Variants in ASNSD1 observed in about 807,000 individuals in gnomAD.
ASNSD1 encodes asparagine synthetase domain-containing protein 1.
Under a neutral mutation model 48.3 loss-of-function variants are expected in ASNSD1, and 36 were observed. The ratio of observed to expected loss-of-function variants is 0.75; its 90% CI spans 0.57 to 0.99. The LOEUF (loss-of-function observed/expected upper bound fraction) is 0.99. ASNSD1 is among the 50% of genes least tolerant of loss of function. The pLI is 0.00. For missense variants in ASNSD1, 714 were observed against 758.2 expected (o/e 0.94, Z 0.69); for synonymous variants, 257 against 262.1 (o/e 0.98, Z 0.19).
intron 1 of ASNSD1, among the ~76,000 whole-genome samples, chr2:189,662,155 C>T (rs1054133353): frequency 4.6e-5 from 7 of 152,256 alleles, no homozygotes; most frequent in African/African-American, 1.7e-4. Flanking sequence ...GCTGCTGCTT[C>T]TCCGTTAACC....
chr2:189,666,300 G>A lies in ASNSD1; in HGVS notation c.168G>A (p.Leu56=). Residue 56 remains leucine, a synonymous_variant, in exon 4 of 6, where the codon TTG becomes TTA. Coordinates refer to ENST00000260952, the MANE Select transcript of ASNSD1 (RefSeq NM_019048.4). ...TATTTTCTGCTCACGTCCTACACTT[G>A]AGGGGTGTTTTGACTACCCAGCCTG... ...QCLFSAHVLH[L]RGVLTTQPVE... is the part of the protein sequence containing the mutation. The A allele has an allele frequency of 6.2e-7, 1 of 1,614,042 alleles. No homozygotes were observed. Among genetic ancestry groups the A allele is most frequent in the Non-Finnish European group, 8.5e-7 (1 of 1,179,988 alleles).
rs1487662125 is a variant in ASNSD1, at chr2:189,666,354, A to G, written c.222A>G (p.Leu74=). ...AAGATGAAAGAGGCAATGTGTTTCT[A>G]TGGAATGGAGAAATTTTTAGTGGAA... ...PVEDERGNVF[L]WNGEIFSGIK... is the part of the protein sequence containing the mutation. Residue 74 remains leucine (L), a synonymous_variant, in exon 4 of 6, where the codon CTA becomes CTG. Transcript: ENST00000260952. 8.7e-6 allele frequency: 14 copies of G among 1,613,754 alleles called. No homozygotes were observed. Among genetic ancestry groups the G allele is most frequent in the African/African-American group, 4.0e-5 (3 of 74,912 alleles).
intron 5 of ASNSD1, among the ~76,000 whole-genome samples, chr2:189,669,122 T>C (rs2032873498): frequency 6.6e-6 from 1 of 152,238 alleles, no homozygotes; most frequent in Non-Finnish European, 1.5e-5. Context: ...TTTTCCTCTT[T>C]CCACTGACTT....
chr2:189,661,657 G>T, intron 1 of ASNSD1, 47 bp downstream of exon 1: 1 of 399,218 alleles, frequency 2.5e-6, no homozygotes. Context: ...GGGACCGGGC[G>T]CCACTGGACC....
intron 1 of ASNSD1, among the ~76,000 whole-genome samples, chr2:189,662,613 G>A (rs527964857): frequency 1.8e-4 from 27 of 152,268 alleles, no homozygotes; most frequent in African/African-American, 6.3e-4. Context: ...TACCACCATA[G>A]CAAGCCACTT....
chr2:189,663,542 C>T (rs964626832), intron 1 of ASNSD1, among the ~76,000 whole-genome samples: 21 of 152,288 alleles, frequency 1.4e-4, no homozygotes, highest in Non-Finnish European at 2.9e-4. Context: ...CATGAGCCAC[C>T]GCACCCGGCC....
In ASNSD1 at chr2:189,667,540, G is replaced by A. The variant is rs1436193211; in HGVS notation, c.1408G>A (p.Gly470Arg). 6.2e-7 allele frequency: 1 copy of A among 1,613,898 alleles called. No homozygotes were observed. The highest frequency in any genetic ancestry group is 1.3e-5 in the African/African-American group (1 of 74,926). ...CTGTGCAGTCTGGTTTGCTTCTAGA[G>A]GAATTGGTTGGTTAGTGGCCCAGGA... ...IGCAVWFASR[G>R]IGWLVAQEGV... Residue 470 changes from glycine to arginine, a missense_variant, in exon 4 of 6, where the codon GGA becomes AGA. Gly to Arg is a moderately radical substitution (Grantham distance 125, BLOSUM62 -2). Coordinates refer to ENST00000260952, the MANE Select transcript of ASNSD1 (RefSeq NM_019048.4).
chr2:189,666,434 C>T lies in ASNSD1; in HGVS notation c.302C>T (p.Ser101Phe). The T allele has an allele frequency of 2.5e-6, 4 of 1,613,850 alleles. No individual in the cohort carries two copies. The highest frequency in any genetic ancestry group is 3.4e-6 in the Non-Finnish European group (4 of 1,179,928). Reference protein sequence around the residue: ...DTQILFNYLSSCKNESEILSL... With the variant: ...DTQILFNYLSFCKNESEILSL... The stretch of plus-strand genomic sequence containing the variant: ...CAAATTTTGTTTAATTATCTTTCCT[C>T]CTGTAAGAATGAATCTGAGATTTTG... Residue 101 changes from serine to phenylalanine, a missense_variant, in exon 4 of 6, where the codon TCC becomes TTC. Physicochemically the swap from Ser to Phe is radical, Grantham distance 155 (BLOSUM62 -2). Transcript: ENST00000260952.
Position 189,666,230 on chromosome 2 carries a change from A to G in ASNSD1, c.98A>G (p.Asn33Ser), listed in dbSNP as rs755759127. The G allele has an allele frequency of 1.2e-6, 2 of 1,614,132 alleles. No homozygotes were observed. Among genetic ancestry groups the G allele is most frequent in the East Asian group, 4.5e-5 (2 of 44,880 alleles). ...LLYNLKQRGP[N>S]SSKQLLKSDV... ...TATAATCTTAAACAGCGGGGACCCAATAGTAGTAAACAATTGTTAAAGTCT... is the reference window on the plus strand; with the variant it reads ...TATAATCTTAAACAGCGGGGACCCAGTAGTAGTAAACAATTGTTAAAGTCT... Residue 33 changes from asparagine (N) to serine (S), a missense_variant, in exon 4 of 6, where the codon AAT (asparagine) becomes AGT (serine). By Grantham distance (46) the Asn-to-Ser change is conservative. Coordinates refer to ENST00000260952, the MANE Select transcript of ASNSD1 (RefSeq NM_019048.4).
At chr2:189,662,932 G>A (rs1041649960) in intron 1 of ASNSD1, among the ~76,000 whole-genome samples, 6 of 115,234 alleles carry the variant, frequency 5.2e-5, no homozygotes, top group East Asian at 2.7e-4. Flanking sequence ...CTGGGTAACA[G>A]AGCAAGACCC....
Position 189,666,458 on chromosome 2 carries a change from T to C in ASNSD1, c.326T>C (p.Leu109Ser). The change falls in exon 4 of 6, where the codon TTG becomes TCG. Residue 109 changes from leucine (L) to serine (S), a missense_variant. Physicochemically the swap from Leu to Ser is moderately radical, Grantham distance 145. Transcript: ENST00000260952. Reference protein sequence around the residue: ...LSSCKNESEILSLFSEVQGPW... With the variant: ...LSSCKNESEISSLFSEVQGPW... ...TCCTGTAAGAATGAATCTGAGATTT[T>C]GTCACTCTTCTCAGAAGTACAAGGT... The C allele has an allele frequency of 6.2e-7, 1 of 1,613,740 alleles. No homozygotes were observed. Among genetic ancestry groups the C allele is most frequent in the Non-Finnish European group, 8.5e-7 (1 of 1,179,792 alleles).
chr2:189,666,001 T>G (rs1249749701), intron 3 of ASNSD1, 40 bp from the exon 4 acceptor site: 1 of 1,068,948 alleles, frequency 9.4e-7, no homozygotes, highest in Non-Finnish European at 1.3e-6. Context: ...GTCCAAGAAT[T>G]TTTATGTTAT....
intron 2 of ASNSD1, among the ~76,000 whole-genome samples, chr2:189,664,835 A>G (rs535168512): frequency 2.1e-5 from 3 of 143,002 alleles, no homozygotes; most frequent in African/African-American, 7.5e-5. Context: ...TCAAAACTAT[A>G]ACACTTTGAC....
chr2:189,666,031 C>T lies in ASNSD1; in HGVS notation c.-92-10C>T. ...TGTTATTTAATATTTATTCTCCTTC[C>T]CTGCAACAGATATATTGGATGAACT... On this transcript the variant is annotated splice_polypyrimidine_tract_variant and intron_variant, in intron 3 of 5. Transcript: ENST00000260952. 1.6e-6 allele frequency: 2 copies of T among 1,256,206 alleles called. No homozygotes were observed. Among genetic ancestry groups the T allele is most frequent in the South Asian group, 1.7e-5 (1 of 57,966 alleles). The allele number at this position is 1,256,206 out of a possible 1,614,324, so 77.8% of individuals were successfully genotyped here.
intron 3 of ASNSD1, among the ~76,000 whole-genome samples, chr2:189,665,736 C>G (rs940807589): frequency 6.0e-5 from 9 of 150,202 alleles, no homozygotes; most frequent in Non-Finnish European, 1.3e-4. Flanking sequence ...CACTTTCTAC[C>G]TTTGTGACTT....
In ASNSD1 at chr2:189,667,567, G is replaced by A; in HGVS notation, c.1435G>A (p.Gly479Arg). 1 of 1,612,116 alleles carries A rather than the reference G, an allele frequency of 6.2e-7. No homozygotes were observed. Among genetic ancestry groups the A allele is most frequent in the Non-Finnish European group, 8.5e-7 (1 of 1,178,960 alleles). Residue 479 changes from glycine (G) to arginine (R), a missense_variant, in exon 4 of 6, where the codon GGA (glycine) becomes AGA (arginine). By Grantham distance (125) the Gly-to-Arg change is moderately radical. Coordinates refer to ENST00000260952, the MANE Select transcript of ASNSD1 (RefSeq NM_019048.4). ...AATTGGTTGGTTAGTGGCCCAGGAAGGAGTGAAATCCTATCAGAGCAATGC... is the reference window on the plus strand; with the variant it reads ...AATTGGTTGGTTAGTGGCCCAGGAAAGAGTGAAATCCTATCAGAGCAATGC... The part of the protein sequence containing the change: ...RGIGWLVAQE[G>R]VKSYQSNAKV...
At chr2:189,668,050 T>G in intron 5 of ASNSD1, 105 bp downstream of exon 5, 1 of 1,089,866 alleles carries the variant, frequency 9.2e-7, no homozygotes, top group Non-Finnish European at 1.3e-6. Flanking sequence ...TTCACATGAA[T>G]AAGAGCAGCA....
intron 5 of ASNSD1, among the ~76,000 whole-genome samples, chr2:189,668,385 T>G (rs569459532): frequency 7.9e-5 from 12 of 152,268 alleles, no homozygotes; most frequent in African/African-American, 2.6e-4. Flanking sequence ...ATCATGGTGC[T>G]GCATGCCTGT....
At position 189,666,960 on chromosome 2, in the gene ASNSD1, T is replaced by C; in HGVS notation, c.828T>C (p.Asp276=). The part of the protein sequence containing the change: ...TREILQVFLT[D]VHMKEVIQQF... ...AGATACTTCAAGTCTTTCTTACTGATGTACACATGAAGGAAGTAATTCAGC... is the reference window on the plus strand; with the variant it reads ...AGATACTTCAAGTCTTTCTTACTGACGTACACATGAAGGAAGTAATTCAGC... The change falls in exon 4 of 6, where the codon GAT becomes GAC. Residue 276 remains aspartate (D), a synonymous_variant. Coordinates refer to ENST00000260952, the MANE Select transcript of ASNSD1 (RefSeq NM_019048.4). The C allele has an allele frequency of 6.2e-7, 1 of 1,614,168 alleles. No individual in the cohort carries two copies. Among genetic ancestry groups the C allele is most frequent in the Non-Finnish European group, 8.5e-7 (1 of 1,180,002 alleles).
Sources: allele counts gnomAD v4.1 joint callset (sites outside exome capture counted in the v4.1 genomes callset), GRCh38; gene constraint gnomAD v4.1.1; transcripts MANE v1.5; gene names NCBI Gene and HGNC (gene_info 2026-07-23, HGNC 2026-07-21).